MTUS2: variants seen among roughly 807,000 people sequenced by gnomAD.
MTUS2 encodes microtubule associated scaffold protein 2.
MTUS2 carries 40 observed loss-of-function variants against 114.1 expected under a neutral mutation model. That is an observed-to-expected ratio of 0.35 (90% confidence interval 0.27 to 0.46). The LOEUF (loss-of-function observed/expected upper bound fraction) is 0.46, where lower values mean the gene tolerates loss of function less well. MTUS2 is among the 20% of genes least tolerant of loss of function. The pLI, the probability that MTUS2 is intolerant of heterozygous loss-of-function variation, is 1.00. For missense variants in MTUS2, 1,679 were observed against 1,705.4 expected, an observed-to-expected ratio of 0.98 and a Z score of 0.27; for synonymous variants, 688 against 672.0, an observed-to-expected ratio of 1.02 and a Z score of -0.37.
At chr13:29,295,416 A>G (rs985707999) in intron 6 of MTUS2, among the ~76,000 whole-genome samples, 4 of 151,642 alleles carry the variant, frequency 2.6e-5, no homozygotes, top group Admixed American at 1.3e-4. Flanking sequence ...TTCTTCCTAT[A>G]CTCCCCTACC....
At chr13:29,370,982 A>G (rs993265839) in intron 8 of MTUS2, among the ~76,000 whole-genome samples, 2 of 152,160 alleles carry the variant, frequency 1.3e-5, no homozygotes, top group South Asian at 2.1e-4. Context: ...CATAAGAAAC[A>G]TGAAGGTAAC....
At chr13:29,199,908 G>T (rs927456070) in intron 5 of MTUS2, among the ~76,000 whole-genome samples, 1 of 152,000 alleles carries the variant, frequency 6.6e-6, no homozygotes, top group African/African-American at 2.4e-5. Context: ...ACTTCTTCCT[G>T]GTTTAGTCTT....
intron 9 of MTUS2, among the ~76,000 whole-genome samples, chr13:29,443,686 G>A (rs1461107720): frequency 2.6e-5 from 4 of 152,346 alleles, no homozygotes; most frequent in South Asian, 2.1e-4. Flanking sequence ...ACCGTAAAGC[G>A]CATAAGCTCT....
At chr13:29,249,414 A>T (rs1471770392) in intron 5 of MTUS2, among the ~76,000 whole-genome samples, 1 of 152,166 alleles carries the variant, frequency 6.6e-6, no homozygotes, top group East Asian at 1.9e-4. Flanking sequence ...GAACTAATTT[A>T]CATTCCCACC....
At chr13:28,980,273 T>C (rs1261114642) in intron 2 of MTUS2, among the ~76,000 whole-genome samples, 1 of 152,226 alleles carries the variant, frequency 6.6e-6, no homozygotes, top group Admixed American at 6.5e-5. Context: ...TAATTAATTG[T>C]TTTTGAATAG....
intron 2 of MTUS2, among the ~76,000 whole-genome samples, chr13:28,896,287 A>G (rs527409507): frequency 6.6e-6 from 1 of 152,286 alleles, no homozygotes; most frequent in African/African-American, 2.4e-5. Flanking sequence ...ATCATGAGTG[A>G]ACTCCCATTC....
intron 8 of MTUS2, among the ~76,000 whole-genome samples, chr13:29,373,244 C>T (rs1871331781): frequency 1.3e-5 from 2 of 152,194 alleles, no homozygotes; most frequent in Non-Finnish European, 2.9e-5. Context: ...TAGCACCAAC[C>T]TGCCAGAGGG....
At chr13:28,965,155 C>T (rs578015751) in intron 2 of MTUS2, among the ~76,000 whole-genome samples, 1 of 152,204 alleles carries the variant, frequency 6.6e-6, no homozygotes, top group Non-Finnish European at 1.5e-5. Flanking sequence ...GCTCTTCCTG[C>T]CAGTGGCACA....
At chr13:29,168,750 G>A (rs1453968461) in intron 5 of MTUS2, among the ~76,000 whole-genome samples, 1 of 152,102 alleles carries the variant, frequency 6.6e-6, no homozygotes, top group Non-Finnish European at 1.5e-5. Flanking sequence ...GAAGCCCTTA[G>A]TACCAGTATT....
chr13:28,958,269 C>G (rs1310996190), intron 2 of MTUS2, among the ~76,000 whole-genome samples: 1 of 152,222 alleles, frequency 6.6e-6, no homozygotes, highest in Non-Finnish European at 1.5e-5. Context: ...AGGGCGTTTT[C>G]CCAGCTGTCT....
At chr13:28,842,168 C>T (rs1181747311) in intron 2 of MTUS2, among the ~76,000 whole-genome samples, 6 of 151,956 alleles carry the variant, frequency 3.9e-5, no homozygotes, top group Non-Finnish European at 1.5e-5. Context: ...CTCCTCTGCT[C>T]CCCCAACACA....
At chr13:29,438,971 C>T (rs574526361) in intron 8 of MTUS2, among the ~76,000 whole-genome samples, 2 of 152,264 alleles carry the variant, frequency 1.3e-5, no homozygotes, top group East Asian at 1.9e-4. Context: ...ATTCCACACA[C>T]GTCCTTCAGA....
intron 8 of MTUS2, among the ~76,000 whole-genome samples, chr13:29,407,283 T>C (rs1461263202): frequency 6.6e-6 from 1 of 151,998 alleles, no homozygotes; most frequent in Admixed American, 6.6e-5. Flanking sequence ...TTGTTTGGGT[T>C]TTCACTATTA....
rs1321436387 is a variant in MTUS2 at position 29,035,731 on chromosome 13, A to G, written c.2446+1606A>G. On this transcript the variant is annotated intron_variant, in intron 4 of 15. Transcript: ENST00000612955. ...ACAGAGCCAAAGCCATTATCCACCA[A>G]ACACTATTGATAGTTTCCCTTAACT... Among the ~76,000 whole-genome samples, 4 of 152,154 alleles carry G rather than the reference A, an allele frequency of 2.6e-5. No individual in the cohort carries two copies. In the East Asian group the frequency reaches 7.7e-4, roughly 29 times the overall value.
At chr13:28,933,165 ATT>A (rs1881712200) in intron 2 of MTUS2, among the ~76,000 whole-genome samples, 1 of 140,008 alleles carries the variant, frequency 7.1e-6, no homozygotes, top group Admixed American at 7.0e-5. Flanking sequence ...ACACACACAG[ATT>A]GATTGATCTG....
Position 28,956,637 on chromosome 13 carries a change from G to A in MTUS2, c.-242-67820G>A, listed in dbSNP as rs115962936. Among the ~76,000 whole-genome samples the A allele has an allele frequency of 6.7e-3, 1,024 of 152,272 alleles. 10 individuals carry two copies. The highest frequency in any genetic ancestry group is 0.024 in the African/African-American group (977 of 41,562). ...AAACTTCAGGGGAGTGTGTATAGCT[G>A]GAAGAAACAAAAACACCAATGAAAC... is the stretch of plus-strand genomic sequence containing the variant. On this transcript the variant is annotated intron_variant, in intron 2 of 15. Coordinates refer to ENST00000612955, the MANE Select transcript of MTUS2 (RefSeq NM_001033602.4).
chr13:29,298,825 T>A (rs1899062817), intron 6 of MTUS2, among the ~76,000 whole-genome samples: 1 of 152,210 alleles, frequency 6.6e-6, no homozygotes, highest in South Asian at 2.1e-4. Flanking sequence ...TAAGCTCTTG[T>A]TCGCTTGGGA....
chr13:29,488,104 C>A, intron 11 of MTUS2, 99 bp downstream of exon 11: 1 of 896,718 alleles, frequency 1.1e-6, no homozygotes, highest in Non-Finnish European at 1.8e-6. Context: ...TCTTGTCCCT[C>A]CTTTCCTGTC....
At chr13:29,322,187 T>C (rs1053416766) in intron 6 of MTUS2, among the ~76,000 whole-genome samples, 1 of 152,186 alleles carries the variant, frequency 6.6e-6, no homozygotes, top group Non-Finnish European at 1.5e-5. Flanking sequence ...AAATAAATAA[T>C]TGTATTTTGT....
Sources: allele counts gnomAD v4.1 joint callset (sites outside exome capture counted in the v4.1 genomes callset), GRCh38; gene constraint gnomAD v4.1.1; transcripts MANE v1.5; gene names NCBI Gene and HGNC (gene_info 2026-07-23, HGNC 2026-07-21).